Variants in SPATA7 observed in about 807,000 individuals in gnomAD.
SPATA7 encodes spermatogenesis-associated protein 7.
SPATA7 carries 43 observed loss-of-function variants against 51.8 expected under a neutral mutation model. That is an observed-to-expected ratio of 0.83 (90% confidence interval 0.65 to 1.07). SPATA7 has a LOEUF of 1.07. Ranked by LOEUF, SPATA7 falls within the 50% of genes least tolerant of loss-of-function variation. The pLI is 0.00. For missense variants in SPATA7, 683 were observed against 701.3 expected (o/e 0.97, Z 0.30); for synonymous variants, 230 against 252.8 (o/e 0.91, Z 0.86).
rs763218291 is a variant in SPATA7 at position 88,416,712 on chromosome 14, T to G, written c.240T>G (p.Tyr80Ter). The G allele has an allele frequency of 1.2e-6, 2 of 1,613,168 alleles. No individual in the cohort carries two copies. Among genetic ancestry groups the G allele is most frequent in the South Asian group, 2.2e-5 (2 of 90,784 alleles). The change falls in exon 5 of 12, where the codon TAT (tyrosine) becomes TAG (stop). Residue 80 changes from tyrosine to a stop codon, truncating the protein, a stop_gained and splice_region_variant. Coordinates refer to ENST00000393545, the MANE Select transcript of SPATA7 (RefSeq NM_018418.5). LOFTEE classifies it high-confidence loss of function. Reference protein sequence around the residue: ...VPVSVSTSIKYADQQRREKLK... With the variant: ...VPVSVSTSIK ...TGAAAGATTTGTTTTCCCTTTTAGA[T>G]GCAGACCAACAACGAAGAGAGAAAC...
chr14:88,386,770 T>G (rs1332141471), intron 1 of SPATA7, among the ~76,000 whole-genome samples: 1 of 152,194 alleles, frequency 6.6e-6, no homozygotes. Flanking sequence ...TTTAAAAGAC[T>G]GCCTTTAAAC....
chr14:88,432,401 C>G (rs2076965692), intron 9 of SPATA7, among the ~76,000 whole-genome samples: 1 of 152,054 alleles, frequency 6.6e-6, no homozygotes, highest in Non-Finnish European at 1.5e-5. Context: ...AATTTAGTTA[C>G]TTGCTACTTA....
At chr14:88,390,946 C>T (rs1424571549) in intron 1 of SPATA7, among the ~76,000 whole-genome samples, 1 of 152,150 alleles carries the variant, frequency 6.6e-6, no homozygotes, top group African/African-American at 2.4e-5. Flanking sequence ...GAAAGAGCTT[C>T]ATAGATATTC....
intron 10 of SPATA7, among the ~76,000 whole-genome samples, chr14:88,436,311 A>G (rs2077085269): frequency 6.6e-6 from 1 of 152,064 alleles, no homozygotes; most frequent in African/African-American, 2.4e-5. Flanking sequence ...AGCTCCTTAT[A>G]TATTCTGGTT....
chr14:88,432,050 T>G (rs1371622121), intron 9 of SPATA7, among the ~76,000 whole-genome samples: 1 of 152,060 alleles, frequency 6.6e-6, no homozygotes, highest in African/African-American at 2.4e-5. Context: ...TTTTTAATAA[T>G]CAGTATCCAT....
At chr14:88,451,149 T>C (rs1048379514) in intron 3 of SPATA7, among the ~76,000 whole-genome samples, 7 of 152,200 alleles carry the variant, frequency 4.6e-5, no homozygotes, top group Non-Finnish European at 8.8e-5. Context: ...TCTTCATTTC[T>C]AGAAGTTGTG....
chr14:88,407,717 C>T (rs1029889458), intron 4 of SPATA7, among the ~76,000 whole-genome samples: 5 of 152,150 alleles, frequency 3.3e-5, no homozygotes, highest in African/African-American at 1.2e-4. Context: ...CCTAGGTTTT[C>T]TTCTAGGGTT....
At chr14:88,398,485 G>A (rs1455377541) in intron 4 of SPATA7, among the ~76,000 whole-genome samples, 10 of 116,958 alleles carry the variant, frequency 8.6e-5, no homozygotes, top group South Asian at 7.1e-4. Flanking sequence ...GTTGTGGGGT[G>A]GGGGGAGGGG....
chr14:88,398,511 G>A (rs1200458759), intron 4 of SPATA7, among the ~76,000 whole-genome samples: 1 of 148,774 alleles, frequency 6.7e-6, no homozygotes, highest in African/African-American at 2.5e-5. Context: ...GATAGCATTG[G>A]GAGATATACC....
At chr14:88,440,454 C>G (rs1354058779), downstream of SPATA7, among the ~76,000 whole-genome samples, 2 of 152,154 alleles carry the variant, frequency 1.3e-5, no homozygotes, top group African/African-American at 2.4e-5. Context: ...TTGAATGTGG[C>G]AAAAGTATTA....
chr14:88,453,474 A>G (rs997796970), intron 3 of SPATA7, among the ~76,000 whole-genome samples: 1 of 137,646 alleles, frequency 7.3e-6, no homozygotes, highest in Non-Finnish European at 1.6e-5. Context: ...TGTGGGCAAG[A>G]CTATACTTTG....
At chr14:88,389,340 A>G (rs1320894572) in intron 1 of SPATA7, among the ~76,000 whole-genome samples, 3 of 151,768 alleles carry the variant, frequency 2.0e-5, no homozygotes, top group African/African-American at 7.3e-5. Flanking sequence ...TGTAGCTGGG[A>G]CTACAGGCAC....
chr14:88,430,618 A>G (rs1290807862), intron 8 of SPATA7, among the ~76,000 whole-genome samples: 1 of 152,128 alleles, frequency 6.6e-6, no homozygotes, highest in East Asian at 1.9e-4. Flanking sequence ...CCTTAGTCAA[A>G]TTGTCATTGT....
In SPATA7 at chr14:88,438,381, A is replaced by G. The variant is rs2077151682; in HGVS notation, c.1759A>G (p.Ile587Val). Residue 587 changes from isoleucine (I) to valine (V), a missense_variant, in exon 12 of 12, where the codon ATC (isoleucine) becomes GTC (valine). Transcript: ENST00000393545. ...NHDMELSTLK[I>V]MEMSIEDCPL... ...TGACATGGAGTTATCAACTCTTAAA[A>G]TCATGGAAATGAGCATTGAGGACTG... The G allele has an allele frequency of 6.2e-7, 1 of 1,613,934 alleles. No individual in the cohort carries two copies. Among genetic ancestry groups the G allele is most frequent in the African/African-American group, 1.3e-5 (1 of 74,940 alleles).
intron 3 of SPATA7, among the ~76,000 whole-genome samples, chr14:88,444,260 T>C (rs569831381): frequency 0.012 from 1,889 of 152,292 alleles, 21 homozygotes; most frequent in Middle Eastern, 0.034. Flanking sequence ...TTTCATGTGT[T>C]TTTTGGCTGC....
chr14:88,408,457 T>C (rs2076255193), intron 4 of SPATA7, among the ~76,000 whole-genome samples: 1 of 152,244 alleles, frequency 6.6e-6, no homozygotes, highest in Non-Finnish European at 1.5e-5. Context: ...ACATTGATTT[T>C]GTATCCTGAG....
intron 1 of SPATA7, among the ~76,000 whole-genome samples, chr14:88,388,784 C>G (rs1017146886): frequency 6.6e-6 from 1 of 152,030 alleles, no homozygotes; most frequent in African/African-American, 2.4e-5. Context: ...TATTTGGTAC[C>G]TAGAATTACG....
chr14:88,394,658 G>A (rs1399606870), intron 3 of SPATA7, among the ~76,000 whole-genome samples: 2 of 152,058 alleles, frequency 1.3e-5, no homozygotes, highest in South Asian at 2.1e-4. Flanking sequence ...CGTTTCACTC[G>A]GGTAAATTTA....
intron 4 of SPATA7, chr14:88,468,209 C>T: frequency 6.2e-7 from 1 of 1,611,588 alleles, no homozygotes; most frequent in African/African-American, 1.3e-5. Flanking sequence ...AGAGAGTCTG[C>T]ACCAGCATCA....
Sources: gnomAD v4.1 joint callset for allele counts (sites outside exome capture counted in the v4.1 genomes callset) on GRCh38, gnomAD v4.1.1 for gene constraint, MANE v1.5 for transcripts, NCBI Gene and HGNC (gene_info 2026-07-23, HGNC 2026-07-21) for gene names.